The following PARP16 variants were observed in gnomAD, a reference collection of about 807,000 sequenced individuals.
PARP16 encodes the protein poly(ADP-ribose) polymerase family member 16, also known as protein mono-ADP-ribosyltransferase PARP16.
A neutral mutation model predicts 35.0 loss-of-function variants in PARP16; 31 were observed. The observed-to-expected ratio is 0.88, with a 90% CI of 0.66 to 1.19. The LOEUF is 1.19. Among genes scored for constraint, PARP16 ranks in the 50% most tolerant of loss-of-function variants. The pLI, the probability that PARP16 is intolerant of heterozygous loss-of-function variation, is 0.00. For synonymous variants in PARP16, 162 were observed against 169.5 expected, an observed-to-expected ratio of 0.96 and a Z score of 0.34; for missense variants, 424 against 411.2, an observed-to-expected ratio of 1.03 and a Z score of -0.27.
intron 3 of PARP16, 30 bp from the exon 4 acceptor site, chr15:65,263,350 C>G (rs1208539378): frequency 6.5e-7 from 1 of 1,536,930 alleles, no homozygotes; most frequent in Non-Finnish European, 8.8e-7. Context: ...GGAAAAGAAA[C>G]ACAGATGGTT....
At chr15:65,284,337 C>CTTTT (rs34254507) in intron 1 of PARP16, among the ~76,000 whole-genome samples, 27 of 67,062 alleles carry the variant, frequency 4.0e-4, no homozygotes, top group African/African-American at 6.6e-4. Flanking sequence ...TTTCTTTCCT[C>CTTTT]TTTTTTTTTT....
At chr15:65,257,347 GCAGAGGTTGCAGTGAGC>G (rs2089545323), downstream of PARP16, among the ~76,000 whole-genome samples, 2 of 152,092 alleles carry the variant, frequency 1.3e-5, no homozygotes, top group Admixed American at 1.3e-4. Context: ...TACCCGGGAG[GCAGAGGTTGCAGTGAGC>G]CAGAGGTTGC....
At chr15:65,238,549 A>G (rs886084217) in intron 3 of PARP16, among the ~76,000 whole-genome samples, 1 of 151,974 alleles carries the variant, frequency 6.6e-6, no homozygotes, top group Admixed American at 6.6e-5. Flanking sequence ...AGGTCTTATA[A>G]TCTCTCTCAA....
Position 65,259,464 on chromosome 15 carries a change from T to A in PARP16, c.912A>T (p.Ile304=), listed in dbSNP as rs888467624. The change falls in exon 6 of 6, where the codon ATA becomes ATT. Residue 304 remains isoleucine (I), a synonymous_variant. Coordinates refer to ENST00000649807, the MANE Select transcript of PARP16 (RefSeq NM_001316943.2). ...AAGCAGAGGAGTTGATGACACTCAC[T>A]ATGAGCAGCAGCAGCAGATACAGGG... ...MISLYLLLLL[I]VSVINSSAFQ... is the part of the protein sequence containing the mutation. 1.2e-6 allele frequency: 2 copies of A among 1,613,732 alleles called. No homozygotes were observed. The highest frequency in any genetic ancestry group is 1.7e-6 in the Non-Finnish European group (2 of 1,179,782).
Position 65,263,234 on chromosome 15 carries a change from G to A in PARP16, c.606C>T (p.His202=), listed in dbSNP as rs148800622. Residue 202 remains histidine (H), a synonymous_variant, in exon 4 of 6, where the codon CAC becomes CAT. Coordinates refer to ENST00000649807, the MANE Select transcript of PARP16 (RefSeq NM_001316943.2). ...IYSPHGHGWQ[H]SLLGPILSCV... ...AGCTAAGGATGGGGCCGAGGAGGCT[G>A]TGCTGCCACCCATGGCCATGGGGGC... 259 of 1,614,014 alleles carry A rather than the reference G, an allele frequency of 1.6e-4. 1 individual carries two copies. The highest frequency in any genetic ancestry group is 1.9e-4 in the Non-Finnish European group (222 of 1,179,968).
At chr15:65,281,476 G>C (rs2090420025) in intron 1 of PARP16, among the ~76,000 whole-genome samples, 1 of 152,144 alleles carries the variant, frequency 6.6e-6, no homozygotes, top group African/African-American at 2.4e-5. Flanking sequence ...AATCACCTGA[G>C]GTCAGGAGTT....
chr15:65,232,823 AGGAG>A (rs2088795073), downstream of PARP16, among the ~76,000 whole-genome samples: 1 of 152,056 alleles, frequency 6.6e-6, no homozygotes, highest in African/African-American at 2.4e-5. Context: ...TGGAAGGCTG[AGGAG>A]GGAGGATCGC....
chr15:65,263,342 A>T (rs1244212318), intron 3 of PARP16, 22 bp from the exon 4 acceptor site: 4 of 1,546,738 alleles, frequency 2.6e-6, no homozygotes, highest in Non-Finnish European at 3.5e-6. Context: ...AGGCCAATGG[A>T]AAAGAAACAC....
At chr15:65,266,356 C>G (rs2089890701) in intron 3 of PARP16, among the ~76,000 whole-genome samples, 1 of 152,194 alleles carries the variant, frequency 6.6e-6, no homozygotes, top group African/African-American at 2.4e-5. Context: ...TTCAGAAGGT[C>G]TAGAGTGTGC....
chr15:65,258,053 G>C (rs2140816888), downstream of PARP16: 1 of 152,188 alleles, frequency 6.6e-6, no homozygotes. Context: ...AGGCATATAG[G>C]GCAGACTCAC....
chr15:65,266,872 A>G (rs1437183850), intron 2 of PARP16, 104 bp from the exon 3 acceptor site: 1 of 780,660 alleles, frequency 1.3e-6, no homozygotes, highest in Admixed American at 2.2e-5. Flanking sequence ...GACTCTGCTC[A>G]TGAGAACAAC....
rs1045913434 is a variant in PARP16 at position 65,263,021 on chromosome 15, C to A, written c.691+128G>T. ...CTCGCTCCTTGGGCAGGACCCTGTC[C>A]GGCACTGCCCTGGATCCAGCCCAAC... is the stretch of plus-strand genomic sequence containing the variant. On this transcript the variant is annotated intron_variant, in intron 4 of 5. Transcript: ENST00000649807. The A allele has an allele frequency of 2.1e-5, 17 of 803,152 alleles. 1 individual carries two copies. In the African/African-American group the frequency reaches 2.6e-4, roughly 12 times the overall value. The allele number at this position is 803,152 out of a possible 1,614,324, so 49.8% of individuals were successfully genotyped here. A position where few individuals can be genotyped will look rare whatever the true frequency, so the allele number is the denominator to read the frequency against.
At chr15:65,253,871 G>A (rs533143754), downstream of PARP16, among the ~76,000 whole-genome samples, 1 of 152,000 alleles carries the variant, frequency 6.6e-6, no homozygotes, top group African/African-American at 2.4e-5. Context: ...AGGCTGGAGT[G>A]CAGTGGCACG....
At chr15:65,233,422 A>C (rs2088806629), downstream of PARP16, among the ~76,000 whole-genome samples, 1 of 151,264 alleles carries the variant, frequency 6.6e-6, no homozygotes. Context: ...AAACCAAAAC[A>C]AACAAACAAA....
chr15:65,283,945 C>T (rs768799082), intron 1 of PARP16, among the ~76,000 whole-genome samples: 1 of 152,158 alleles, frequency 6.6e-6, no homozygotes, highest in Non-Finnish European at 1.5e-5. Context: ...CTCCCACTTC[C>T]GGTACCCTGA....
chr15:65,237,913 C>T (rs969910487), intron 3 of PARP16, among the ~76,000 whole-genome samples: 1 of 152,178 alleles, frequency 6.6e-6, no homozygotes, highest in Non-Finnish European at 1.5e-5. Flanking sequence ...TGGGGTGCCC[C>T]GGGCTCAGTT....
intron 3 of PARP16, among the ~76,000 whole-genome samples, chr15:65,239,902 C>T (rs2089003341): frequency 6.8e-6 from 1 of 146,632 alleles, no homozygotes; most frequent in South Asian, 2.1e-4. Flanking sequence ...ATGATCCGCT[C>T]ACCTCGGCCT....
rs959991059 is a variant in PARP16, at chr15:65,258,968, A to C, written c.*439T>G. The C allele has an allele frequency of 6.4e-6, 1 of 155,166 alleles. No homozygotes were observed. Among genetic ancestry groups the C allele is most frequent in the Non-Finnish European group, 1.4e-5 (1 of 69,640 alleles). The allele number at this position is 155,166 out of a possible 1,614,324, so 9.6% of individuals were successfully genotyped here. A position where few individuals can be genotyped will look rare whatever the true frequency, so the allele number is the denominator to read the frequency against. ...ATGACTGTTCCTCTTGGGTGTCTCA[A>C]GTCAAAACAAGGCAACCGCCTAGTG... On this transcript the variant is annotated 3_prime_UTR_variant, in exon 6 of 6. Transcript: ENST00000649807.
chr15:65,272,876 T>C (rs2090134116), intron 1 of PARP16, among the ~76,000 whole-genome samples: 2 of 152,224 alleles, frequency 1.3e-5, no homozygotes, highest in South Asian at 2.1e-4. Flanking sequence ...GGTCTATATA[T>C]GTCCATTTCT....
Sources: gnomAD v4.1 joint callset for allele counts (sites outside exome capture counted in the v4.1 genomes callset) on GRCh38, gnomAD v4.1.1 for gene constraint, MANE v1.5 for transcripts, NCBI Gene and HGNC (gene_info 2026-07-23, HGNC 2026-07-21) for gene names.